Variants in EGFR observed in about 807,000 individuals in gnomAD.
EGFR encodes avian erythroblastic leukemia viral (v-erb-b) oncogene homolog.
In EGFR, 58 loss-of-function variants were observed where a neutral mutation model predicts 143.0. The observed-to-expected ratio is 0.41, with a 90% CI of 0.33 to 0.50. The LOEUF (loss-of-function observed/expected upper bound fraction) is 0.50. Among genes scored for constraint, EGFR ranks in the 20% least tolerant of loss-of-function variants. The pLI, the probability that EGFR is intolerant of heterozygous loss-of-function variation, is 0.39. For missense variants in EGFR, 1,307 were observed against 1,579.0 expected, an observed-to-expected ratio of 0.83 and a Z score of 2.92; for synonymous variants, 613 against 594.4, an observed-to-expected ratio of 1.03 and a Z score of -0.45.
At chr7:55,186,144 G>A (rs182749612) in intron 20 of EGFR, among the ~76,000 whole-genome samples, 1 of 152,246 alleles carries the variant, frequency 6.6e-6, no homozygotes, top group African/African-American at 2.4e-5. Flanking sequence ...CACGCTGACA[G>A]ATCGTGCTGT....
rs1439262000 is a variant in EGFR, at chr7:55,207,053, C to CT, written c.*1437dup. 1.1e-4 allele frequency: 26 copies of CT among 232,800 alleles called. No homozygotes were observed. The highest frequency in any genetic ancestry group is 7.6e-5 in the Non-Finnish European group (9 of 117,838). The allele number at this position is 232,800 out of a possible 1,614,324, so 14.4% of individuals were successfully genotyped here. ...GCTAGTTAGGAGCCCACCTTTTTTC[C>CT]TAATCTGTGTGTGCCCTGTAACCTG... On this transcript the variant is annotated 3_prime_UTR_variant, in exon 28 of 28. Coordinates refer to ENST00000275493, the MANE Select transcript of EGFR (RefSeq NM_005228.5).
intron 1 of EGFR, among the ~76,000 whole-genome samples, chr7:55,024,217 AT>A (rs1347104208): frequency 1.3e-5 from 2 of 152,208 alleles, no homozygotes; most frequent in African/African-American, 2.4e-5. Context: ...TAAGTGCTAG[AT>A]TTGACATTTC....
At position 55,187,369 on chromosome 7, in the gene EGFR, C is replaced by T. The variant is rs542854618; in HGVS notation, c.2470-4350C>T. On this transcript the variant is annotated intron_variant, in intron 20 of 27. Transcript: ENST00000275493. The stretch of plus-strand genomic sequence containing the variant: ...CTACATATGGGGAAACAAAGGCATG[C>T]GGTGTTTACGTCACTTGCCAAGATC... Among the ~76,000 whole-genome samples the T allele has an allele frequency of 1.8e-4, 27 of 152,222 alleles. 1 individual carries two copies. In the South Asian group the frequency reaches 3.3e-3, roughly 19 times the overall value.
chr7:55,061,647 T>TGAGAGA (rs760516597), intron 1 of EGFR, among the ~76,000 whole-genome samples: 1,146 of 99,536 alleles, frequency 0.012, 6 homozygotes, highest in Non-Finnish European at 0.018. Context: ...TGTGTGTGTG[T>TGAGAGA]GTGAGAGAGA....
At chr7:55,149,961 C>T (rs1009830567) in intron 4 of EGFR, among the ~76,000 whole-genome samples, 3 of 152,000 alleles carry the variant, frequency 2.0e-5, no homozygotes, top group Non-Finnish European at 4.4e-5. Context: ...ACTTATATGT[C>T]TATATTGATT....
chr7:55,087,698 A>G lies in EGFR; in HGVS notation c.89-54588A>G, dbSNP rs149863094. The stretch of plus-strand genomic sequence containing the variant: ...ACTTCCCGATTGGGTTTATTAGAGC[A>G]TGAACACCCAGGCACCCAGCTTCTA... On this transcript the variant is annotated intron_variant, in intron 1 of 27. Coordinates refer to ENST00000275493, the MANE Select transcript of EGFR (RefSeq NM_005228.5). 7.1e-3 allele frequency among the ~76,000 whole-genome samples: 1,087 copies of G among 152,296 alleles called. 15 individuals are homozygous for G. The highest frequency in any genetic ancestry group is 0.025 in the African/African-American group (1,024 of 41,546).
At chr7:55,070,221 G>A (rs973968827) in intron 1 of EGFR, among the ~76,000 whole-genome samples, 2 of 152,114 alleles carry the variant, frequency 1.3e-5, no homozygotes, top group Admixed American at 6.5e-5. Flanking sequence ...TATCTTTTCC[G>A]AGCAATGAAA....
intron 1 of EGFR, among the ~76,000 whole-genome samples, chr7:55,060,043 G>A (rs1368180131): frequency 1.3e-5 from 2 of 152,230 alleles, no homozygotes; most frequent in Non-Finnish European, 2.9e-5. Context: ...CAGAGCTGAT[G>A]TGTGTTATGC....
intron 1 of EGFR, chr7:55,110,048 A>G (rs973114918): frequency 3.8e-5 from 24 of 630,588 alleles, no homozygotes; most frequent in Non-Finnish European, 4.3e-5. Context: ...GCATCACATG[A>G]TGAGATACTG....
At chr7:55,090,567 A>C (rs28704705) in intron 1 of EGFR, among the ~76,000 whole-genome samples, 4,048 of 152,296 alleles carry the variant, frequency 0.027, 180 homozygotes, top group African/African-American at 0.091. Flanking sequence ...GGTAGAAAGC[A>C]CATGATTTAC....
chr7:55,204,880 T>C (rs1788047064), intron 27 of EGFR, among the ~76,000 whole-genome samples: 1 of 134,832 alleles, frequency 7.4e-6, no homozygotes, highest in Non-Finnish European at 1.6e-5. Flanking sequence ...CATACAAATA[T>C]ACACCACACA....
At chr7:55,158,971 C>A (rs1462570219) in intron 11 of EGFR, among the ~76,000 whole-genome samples, 1 of 152,246 alleles carries the variant, frequency 6.6e-6, no homozygotes, top group East Asian at 1.9e-4. Flanking sequence ...CCATCCAACA[C>A]CTGAACATCA....
Position 55,160,130 on chromosome 7 carries a change from C to T in EGFR, c.1299-9C>T, listed in dbSNP as rs1182406643. 3 of 1,613,924 alleles carry T rather than the reference C, an allele frequency of 1.9e-6. No individual in the cohort carries two copies. Among genetic ancestry groups the T allele is most frequent in the Admixed American group, 1.7e-5 (1 of 60,010 alleles). ...TTTCACCACATGATTTTTCTTCTCT[C>T]CAATGTAGTGGTCAGTTTTCTCTTG... is the stretch of plus-strand genomic sequence containing the variant. On this transcript the variant is annotated splice_polypyrimidine_tract_variant and intron_variant, in intron 11 of 27. Coordinates refer to ENST00000275493, the MANE Select transcript of EGFR (RefSeq NM_005228.5).
At chr7:55,054,286 T>G (rs999645029) in intron 1 of EGFR, among the ~76,000 whole-genome samples, 1 of 152,264 alleles carries the variant, frequency 6.6e-6, no homozygotes, top group Non-Finnish European at 1.5e-5. Context: ...TGAGTGACCT[T>G]GAGCAAGTTT....
chr7:55,067,299 G>A (rs1305790206), intron 1 of EGFR, among the ~76,000 whole-genome samples: 1 of 146,028 alleles, frequency 6.8e-6, no homozygotes, highest in African/African-American at 2.8e-5. Flanking sequence ...CAGAAGCACA[G>A]TGTGAAGGGA....
intron 1 of EGFR, among the ~76,000 whole-genome samples, chr7:55,091,875 CA>C (rs1360890551): frequency 9.9e-5 from 15 of 151,874 alleles, no homozygotes; most frequent in African/African-American, 3.1e-4. Flanking sequence ...CACACACACA[CA>C]CACACACACA....
intron 1 of EGFR, among the ~76,000 whole-genome samples, chr7:55,031,958 G>A (rs1014391558): frequency 1.3e-5 from 2 of 152,172 alleles, no homozygotes; most frequent in Non-Finnish European, 2.9e-5. Context: ...ATGAGGTGGT[G>A]GTCACAGGTG....
intron 15 of EGFR, chr7:55,170,395 C>T (rs578183026): frequency 1.2e-6 from 2 of 1,614,180 alleles, no homozygotes; most frequent in Non-Finnish European, 1.7e-6. Flanking sequence ...CGTGTCCCAC[C>T]AGAGCGGGAG....
chr7:55,144,186 A>G (rs13234622), intron 3 of EGFR, among the ~76,000 whole-genome samples: 46,574 of 152,080 alleles, frequency 0.31, 8,234 homozygotes, highest in East Asian at 0.68. Flanking sequence ...TTGACTTATG[A>G]TGGCATCCTA....
Sources: gnomAD v4.1 joint callset for allele counts (sites outside exome capture counted in the v4.1 genomes callset) on GRCh38, gnomAD v4.1.1 for gene constraint, MANE v1.5 for transcripts, NCBI Gene and HGNC (gene_info 2026-07-23, HGNC 2026-07-21) for gene names.